Variants in ZBP1 observed in about 807,000 individuals in gnomAD.
ZBP1 encodes the protein Z-DNA-binding protein 1.
Under a neutral mutation model 41.1 loss-of-function variants are expected in ZBP1, and 42 were observed. That is an observed-to-expected ratio of 1.02 (90% CI 0.80 to 1.32). The LOEUF (loss-of-function observed/expected upper bound fraction) is 1.32. Among genes scored for constraint, ZBP1 ranks in the 40% most tolerant of loss-of-function variants. The pLI, the probability that ZBP1 is intolerant of heterozygous loss-of-function variation, is 0.00. For synonymous variants in ZBP1, 214 were observed against 205.2 expected (o/e 1.04, Z -0.37); for missense variants, 562 against 549.7 (o/e 1.02, Z -0.22).
At chr20:57,619,055 G>A (rs531365555) in intron 1 of ZBP1, among the ~76,000 whole-genome samples, 4 of 152,226 alleles carry the variant, frequency 2.6e-5, no homozygotes, top group Non-Finnish European at 4.4e-5. Context: ...AATGGAGCAG[G>A]TGTAGGCAAC....
chr20:57,610,047 A>C lies in ZBP1; in HGVS notation c.1093+102T>G. 2 of 1,336,624 alleles carry C rather than the reference A, an allele frequency of 1.5e-6. No individual in the cohort carries two copies. Among genetic ancestry groups the C allele is most frequent in the Non-Finnish European group, 2.1e-6 (2 of 951,888 alleles). 82.8% of individuals were successfully genotyped at this position (1,336,624 alleles called of 1,614,324 possible). ...TGGGCACAGCCTCCAGACTCCGGGA[A>C]ACCAGAGATTAGCGAATGATCGATG... On this transcript the variant is annotated intron_variant, in intron 7 of 7. Transcript: ENST00000371173. This position sits in a 1 kb window ranked among gnomAD's most constrained non-coding sequence, Gnocchi z 5.5.
chr20:57,611,563 G>A (rs2070672686), intron 6 of ZBP1, among the ~76,000 whole-genome samples, 164 bp downstream of exon 6: 3 of 152,006 alleles, frequency 2.0e-5, no homozygotes, highest in East Asian at 1.9e-4. Flanking sequence ...AGCCTAGAGT[G>A]CTAGCTTTAA....
rs777940638 is a variant in ZBP1 at position 57,616,235 on chromosome 20, G to A, written c.259+9C>T. 6.2e-7 allele frequency: 1 copy of A among 1,613,462 alleles called. No individual in the cohort carries two copies. Among genetic ancestry groups the A allele is most frequent in the Non-Finnish European group, 8.5e-7 (1 of 1,179,532 alleles). On this transcript the variant is annotated intron_variant, in intron 2 of 7. Transcript: ENST00000371173. ...AGGGTCAGACCCGCCTCCCCGGGGT[G>A]GCAGTTACCAGGGCTGGACAAGGCC...
rs979325529 is a variant in ZBP1, at chr20:57,610,742, C to T, written c.875-375G>A. The T allele has an allele frequency of 9.6e-6, 3 of 313,242 alleles. No individual in the cohort carries two copies. Among genetic ancestry groups the T allele is most frequent in the Admixed American group, 9.3e-5 (2 of 21,474 alleles). The allele number at this position is 313,242 out of a possible 1,614,324, so 19.4% of individuals were successfully genotyped here. On this transcript the variant is annotated intron_variant, in intron 6 of 7. Transcript: ENST00000371173. This position sits in a 1 kb window ranked among gnomAD's most constrained non-coding sequence, Gnocchi z 5.5. ...AATCTTATGGGGGCTCCCAGCCTGG[C>T]CCCAGCTCCTGCCATCTGGCTCTGC...
Position 57,611,740 on chromosome 20 carries a change from AG to A in ZBP1, c.860del (p.Pro287LeufsTer38). ...GATCCCAGTTACCTGGGGGGCTGCC[AG>A]GGGGGATGTGGGCAGGGCCCTCGGA... is the stretch of plus-strand genomic sequence containing the variant. ...VPSEGPAHIP[P>X]GSPPVSATAA... On this transcript the variant is annotated frameshift_variant, in exon 6 of 8. Transcript: ENST00000371173. LOFTEE classifies it high-confidence loss of function. 6.2e-7 allele frequency: 1 copy of A among 1,610,050 alleles called. No individual in the cohort carries two copies. Among genetic ancestry groups the A allele is most frequent in the Non-Finnish European group, 8.5e-7 (1 of 1,178,898 alleles).
At chr20:57,619,448 C>G (rs1182475017) in intron 1 of ZBP1, among the ~76,000 whole-genome samples, 1 of 152,196 alleles carries the variant, frequency 6.6e-6, no homozygotes, top group East Asian at 1.9e-4. Flanking sequence ...ACCTACAGTC[C>G]ACAGCGCTTA....
At chr20:57,619,682 T>A (rs1392469551) in intron 1 of ZBP1, among the ~76,000 whole-genome samples, 1 of 151,598 alleles carries the variant, frequency 6.6e-6, no homozygotes, top group Non-Finnish European at 1.5e-5. Context: ...ACCCTGAGAG[T>A]GTCATTTCAC....
rs1178123557 is a variant in ZBP1 at position 57,610,154 on chromosome 20, T to G, written c.1088A>C (p.Asp363Ala). 2 of 1,613,462 alleles carry G rather than the reference T, an allele frequency of 1.2e-6. No individual in the cohort carries two copies. ...CACTCTGCCCCCTAGCTCACCTGCG[T>G]CCTCCCCTGGCTCCCCCTCTCCAGA... ...AGSGEGEPGE[D>A]AGRRPADTQS... Residue 363 changes from aspartate (D) to alanine (A), a missense_variant, in exon 7 of 8, where the codon GAC (aspartate) becomes GCC (alanine). Asp to Ala is a moderately radical substitution (Grantham distance 126). Coordinates refer to ENST00000371173, the MANE Select transcript of ZBP1 (RefSeq NM_030776.3). The surrounding 1 kb of genome is among the most constrained non-coding windows in gnomAD (Gnocchi z 5.5).
Position 57,616,453 on chromosome 20 carries a change from CT to C in ZBP1, c.49del (p.Arg17GlufsTer6). 1 of 1,613,632 alleles carries C rather than the reference CT, an allele frequency of 6.2e-7. No homozygotes were observed. On this transcript the variant is annotated frameshift_variant, in exon 2 of 8. Coordinates refer to ENST00000371173, the MANE Select transcript of ZBP1 (RefSeq NM_030776.3). LOFTEE classifies it high-confidence loss of function. ...DPGREGHLEQRILQVLTEAGS... is the reference protein window; with the variant it reads ...DPGREGHLEQXILQVLTEAGS... ...AGCCTCTGTCAGCACCTGCAGGATT[CT>C]TTGTTCAAGGTGGCCTGGGGGAGCG...
At position 57,610,287 on chromosome 20, in the gene ZBP1, C is replaced by A. The variant is rs376946202; in HGVS notation, c.955G>T (p.Ala319Ser). Residue 319 changes from alanine (A) to serine (S), a missense_variant, in exon 7 of 8, where the codon GCC becomes TCC. Coordinates refer to ENST00000371173, the MANE Select transcript of ZBP1 (RefSeq NM_030776.3). The surrounding 1 kb of genome is among the most constrained non-coding windows in gnomAD (Gnocchi z 5.5). ...SPGTHPEGEA[A>S]QRIHMKSCFL... Reference sequence around the variant, plus strand: ...CACGATTTCATGTGGATTCTCTGGGCGGCTTCCCCCTCAGGGTGAGTTCCT... The same window carrying A: ...CACGATTTCATGTGGATTCTCTGGGAGGCTTCCCCCTCAGGGTGAGTTCCT... 53 of 1,614,140 alleles carry A rather than the reference C, an allele frequency of 3.3e-5. No homozygotes were observed. In the East Asian group the frequency reaches 1.0e-3, roughly 31 times the overall value.
At chr20:57,614,817 C>T (rs187263095) in intron 4 of ZBP1, 70 bp downstream of exon 4, 1 of 1,580,962 alleles carries the variant, frequency 6.3e-7, no homozygotes, top group Admixed American at 1.7e-5. Flanking sequence ...CAGCAGAGCA[C>T]CCAGCAAAGA....
chr20:57,607,928 A>G (rs2070537978), intron 7 of ZBP1, among the ~76,000 whole-genome samples: 2 of 152,220 alleles, frequency 1.3e-5, no homozygotes, highest in Non-Finnish European at 1.5e-5. Context: ...GCACTGGGAA[A>G]TCAAAAATTT....
rs543189296 is a variant in ZBP1 at position 57,613,448 on chromosome 20, G to A, written c.503-118C>T. The stretch of plus-strand genomic sequence containing the variant: ...CTTGTTAAAATACCCTGGGCGTTCC[G>A]AGTCAGTAGGGCCAAGTGGGAGGCC... On this transcript the variant is annotated intron_variant, in intron 4 of 7. Coordinates refer to ENST00000371173, the MANE Select transcript of ZBP1 (RefSeq NM_030776.3). This position sits in a 1 kb window ranked among gnomAD's most constrained non-coding sequence, Gnocchi z 4.5. The A allele has an allele frequency of 4.6e-5, 52 of 1,122,314 alleles. No homozygotes were observed. Among genetic ancestry groups the A allele is most frequent in the East Asian group, 9.5e-5 (4 of 42,272 alleles). The allele number at this position is 1,122,314 out of a possible 1,614,324, so 69.5% of individuals were successfully genotyped here. A position where few individuals can be genotyped will look rare whatever the true frequency, so the allele number is the denominator to read the frequency against.
chr20:57,618,999 G>A (rs922877799), intron 1 of ZBP1, among the ~76,000 whole-genome samples: 2 of 152,232 alleles, frequency 1.3e-5, no homozygotes, highest in African/African-American at 4.8e-5. Context: ...GGCTGGCCTC[G>A]ACTGCTGAGT....
intron 4 of ZBP1, 47 bp downstream of exon 4, chr20:57,614,840 G>T (rs755909153): frequency 4.4e-6 from 7 of 1,607,400 alleles, no homozygotes; most frequent in Non-Finnish European, 6.0e-6. Context: ...AAGCACTAGT[G>T]TCATGGTTTC....
chr20:57,605,753 G>A (rs2070478893), intron 7 of ZBP1, among the ~76,000 whole-genome samples: 1 of 152,124 alleles, frequency 6.6e-6, no homozygotes, highest in Non-Finnish European at 1.5e-5. Flanking sequence ...TGACCTACAT[G>A]GAGAAACCCC....
At chr20:57,615,186 T>C in intron 3 of ZBP1, 126 bp from the exon 4 acceptor site, 1 of 1,077,492 alleles carries the variant, frequency 9.3e-7, no homozygotes, top group Non-Finnish European at 1.4e-6. Flanking sequence ...GTAAAATGGG[T>C]GTCATGATAA....
intron 1 of ZBP1, among the ~76,000 whole-genome samples, chr20:57,619,836 ATTTTTTTTT>A (rs940213839): frequency 7.4e-6 from 1 of 134,236 alleles, no homozygotes; most frequent in African/African-American, 2.7e-5. Context: ...GTCCCTTTCT[ATTTTTTTTT>A]TTTTTTTCTG....
At chr20:57,609,640 G>A (rs978870963) in intron 7 of ZBP1, among the ~76,000 whole-genome samples, 1 of 152,032 alleles carries the variant, frequency 6.6e-6, no homozygotes, top group Non-Finnish European at 1.5e-5. Flanking sequence ...CCCTCACCCG[G>A]ACATGAGACT....
Sources: gnomAD v4.1 joint callset for allele counts (sites outside exome capture counted in the v4.1 genomes callset) on GRCh38, gnomAD v4.1.1 for gene constraint, Gnocchi (gnomAD v3.1) non-coding constraint, MANE v1.5 for transcripts, NCBI Gene and HGNC (gene_info 2026-07-23, HGNC 2026-07-21) for gene names.